SHD: variants seen among roughly 807,000 people sequenced by gnomAD.
SHD encodes the protein Src homology 2 domain containing transforming protein D, also known as SH2 domain-containing adapter protein D.
SHD carries 29 observed loss-of-function variants against 31.2 expected under a neutral mutation model. The ratio of observed to expected loss-of-function variants is 0.93; its 90% CI spans 0.69 to 1.27. SHD has a LOEUF of 1.27. Ranked by LOEUF, SHD falls within the 50% of genes most tolerant of loss-of-function variation. The pLI, the probability that SHD is intolerant of heterozygous loss-of-function variation, is 0.00. For synonymous variants in SHD, 208 were observed against 187.8 expected (o/e 1.11, Z -0.88); for missense variants, 520 against 453.8 (o/e 1.15, Z -1.33).
chr19:4,288,218 T>A, intron 4 of SHD, 25 bp from the exon 5 acceptor site: 1 of 1,608,442 alleles, frequency 6.2e-7, no homozygotes, highest in South Asian at 1.1e-5. Context: ...TGGCCCTTGA[T>A]GAGACATCTG....
chr19:4,287,341 GAAAGAA>G (rs1971331002), intron 4 of SHD, among the ~76,000 whole-genome samples: 1 of 127,982 alleles, frequency 7.8e-6, no homozygotes, highest in Non-Finnish European at 1.7e-5. Flanking sequence ...CAAAAAAAAA[GAAAGAA>G]AAAGAAAAAA....
In SHD at chr19:4,282,973, G is replaced by C. The variant is rs1971271984; in HGVS notation, c.401G>C (p.Ser134Thr). The change falls in exon 2 of 6, where the codon AGT becomes ACT. Residue 134 changes from serine (S) to threonine (T), a missense_variant and splice_region_variant. Transcript: ENST00000543264. ...MEPYDAQWVM[S>T]ELPGRGVQLY... ...CCCTACGATGCCCAATGGGTCATGA[G>C]TGGTGAGTAGGCACGGCTTGGGGGA... 1 of 1,613,998 alleles carries C rather than the reference G, an allele frequency of 6.2e-7. No individual in the cohort carries two copies. The highest frequency in any genetic ancestry group is 1.3e-5 in the African/African-American group (1 of 74,910).
At chr19:4,285,420 G>T (rs1324015806) in intron 4 of SHD, among the ~76,000 whole-genome samples, 1 of 152,122 alleles carries the variant, frequency 6.6e-6, no homozygotes, top group Admixed American at 6.6e-5. Context: ...GCTCCTTGAG[G>T]GAGTGCCCAA....
rs774714514 is a variant in SHD at position 4,290,648 on chromosome 19, C to A, written c.*15C>A. The A allele has an allele frequency of 1.9e-6, 3 of 1,576,454 alleles. No individual in the cohort carries two copies. Among genetic ancestry groups the A allele is most frequent in the South Asian group, 2.3e-5 (2 of 87,408 alleles). ...AGACCCCCTGACAGTGACCCTCGGC[C>A]CCCTTTTGAGTCCTCGGGCCCAGAA... On this transcript the variant is annotated 3_prime_UTR_variant, in exon 6 of 6. Coordinates refer to ENST00000543264, the MANE Select transcript of SHD (RefSeq NM_020209.4).
chr19:4,286,231 T>TTTC (rs1309589434), intron 4 of SHD, among the ~76,000 whole-genome samples: 628 of 49,944 alleles, frequency 0.013, 27 homozygotes, highest in African/African-American at 0.04. Flanking sequence ...TCTTTCTTTC[T>TTTC]TTTCTTTCTT....
intron 1 of SHD, among the ~76,000 whole-genome samples, chr19:4,280,883 C>A (rs539545769): frequency 6.6e-6 from 1 of 152,064 alleles, no homozygotes; most frequent in East Asian, 1.9e-4. Context: ...CTCTGACCAC[C>A]CTGCTTGGTC....
At position 4,290,622 on chromosome 19, in the gene SHD, C is replaced by T. The variant is rs747317472; in HGVS notation, c.1012C>T (p.Gln338Ter). Residue 338 changes from glutamine (Q) to a stop codon, truncating the protein, a stop_gained, in exon 6 of 6, where the codon CAG becomes TAG. Transcript: ENST00000543264. LOFTEE classifies it high-confidence loss of function. Reference sequence around the variant, plus strand: ...GGCTCTGCTGTACCCCGTGGTCACGCAGACCCCCTGACAGTGACCCTCGGC... The same window carrying T: ...GGCTCTGCTGTACCCCGTGGTCACGTAGACCCCCTGACAGTGACCCTCGGC... ...HLALLYPVVT[Q>*]TP The T allele has an allele frequency of 1.2e-5, 20 of 1,608,150 alleles. No individual in the cohort carries two copies. Among genetic ancestry groups the T allele is most frequent in the Non-Finnish European group, 1.4e-5 (17 of 1,176,540 alleles).
intron 4 of SHD, among the ~76,000 whole-genome samples, chr19:4,285,368 G>T (rs539014461): frequency 6.6e-6 from 1 of 152,260 alleles, no homozygotes; most frequent in Non-Finnish European, 1.5e-5. Flanking sequence ...GGGGTGGCAC[G>T]TGAGCCGGGA....
chr19:4,280,130 C>T lies in SHD; in HGVS notation c.67C>T (p.Pro23Ser). ...GRRPPPQPPT[P>S]DYTESDILRA... is the part of the protein sequence containing the mutation. ...GAGGCCCCCTCCGCAGCCGCCCACC[C>T]CGGACTACACCGAGAGCGACATCCT... Residue 23 changes from proline to serine, a missense_variant, in exon 1 of 6, where the codon CCG becomes TCG. Pro to Ser is a moderately conservative substitution (Grantham distance 74, BLOSUM62 -1). Transcript: ENST00000543264. The T allele has an allele frequency of 1.9e-6, 3 of 1,612,480 alleles. No homozygotes were observed. Among genetic ancestry groups the T allele is most frequent in the Non-Finnish European group, 2.5e-6 (3 of 1,179,542 alleles).
chr19:4,285,889 C>CTTTTTT lies in SHD; in HGVS notation c.716+1001_716+1006dup, dbSNP rs56142317. Among the ~76,000 whole-genome samples, 336 of 87,358 alleles carry CTTTTTT rather than the reference C, an allele frequency of 3.8e-3. 33 individuals are homozygous for CTTTTTT. The East Asian group carries it at 0.048, about 12-fold the overall frequency. 57.3% of individuals were successfully genotyped at this position (87,358 alleles called of 152,430 possible). A position where few individuals can be genotyped will look rare whatever the true frequency, so the allele number is the denominator to read the frequency against. On this transcript the variant is annotated intron_variant, in intron 4 of 5. Transcript: ENST00000543264. ...TCTTCTCTTTCTTTTCTTTTCCTTTCTTTTTTTTTTTTTTTTTTTTTGACA... is the reference window on the plus strand; with the variant it reads ...TCTTCTCTTTCTTTTCTTTTCCTTTCTTTTTTTTTTTTTTTTTTTTTTTTTTTGACA...
intron 5 of SHD, among the ~76,000 whole-genome samples, chr19:4,290,107 C>T (rs1246939384): frequency 2.0e-5 from 3 of 149,752 alleles, no homozygotes; most frequent in Non-Finnish European, 3.0e-5. Context: ...AACTCGTAAC[C>T]TCAAGTGATC....
chr19:4,285,978 G>A (rs144791781), intron 4 of SHD, among the ~76,000 whole-genome samples: 2,010 of 124,590 alleles, frequency 0.016, 50 homozygotes, highest in African/African-American at 0.058. Flanking sequence ...TGCAACCTCC[G>A]CCTCCCTGGT....
chr19:4,288,207 A>G (rs1161430262), intron 4 of SHD, 36 bp from the exon 5 acceptor site: 1 of 1,602,342 alleles, frequency 6.2e-7, no homozygotes, highest in African/African-American at 1.3e-5. Flanking sequence ...TTTGAAGGGA[A>G]TGGCCCTTGA....
In SHD at chr19:4,290,558, C is replaced by G. The variant is rs958212203; in HGVS notation, c.948C>G (p.Tyr316Ter). Residue 316 changes from tyrosine to a stop codon, truncating the protein, a stop_gained, in exon 6 of 6, where the codon TAC becomes TAG. Transcript: ENST00000543264. LOFTEE classifies it high-confidence loss of function. ...GCGTGCCCGAGCTCGTCCTCCACTA[C>G]AGTTCACGCCCACTGCCGGTGCAGG... ...FPSVPELVLH[Y>*]SSRPLPVQGA... The G allele has an allele frequency of 6.2e-7, 1 of 1,613,762 alleles. No homozygotes were observed.
chr19:4,289,770 AC>A (rs1172546724), intron 5 of SHD, among the ~76,000 whole-genome samples: 1 of 146,622 alleles, frequency 6.8e-6, no homozygotes, highest in Non-Finnish European at 1.5e-5. Context: ...ACGGGGTTTC[AC>A]CGTGTTAGCC....
chr19:4,289,556 ATTATTAT>A (rs889862708), intron 5 of SHD, among the ~76,000 whole-genome samples: 2 of 147,534 alleles, frequency 1.4e-5, no homozygotes, highest in African/African-American at 5.0e-5. Flanking sequence ...TCTTATTATT[ATTATTAT>A]TTATTTATTT....
rs1180533950 is a variant in SHD at position 4,290,459 on chromosome 19, C to T, written c.849C>T (p.Gly283=). 1 of 1,611,636 alleles carries T rather than the reference C, an allele frequency of 6.2e-7. No homozygotes were observed. The change falls in exon 6 of 6, where the codon GGC becomes GGT. Residue 283 remains glycine, a synonymous_variant. Transcript: ENST00000543264. ...CCTCATCGCCCAGGAGCAGCCAGGGCTTCCTGCATCTGAAGTTCGCGCGGA... is the reference window on the plus strand; with the variant it reads ...CCTCATCGCCCAGGAGCAGCCAGGGTTTCCTGCATCTGAAGTTCGCGCGGA... ...DCSLSLRSSQ[G]FLHLKFARTR... is the part of the protein sequence containing the mutation.
At chr19:4,286,234 T>C (rs556961078) in intron 4 of SHD, among the ~76,000 whole-genome samples, 28 of 43,104 alleles carry the variant, frequency 6.5e-4, no homozygotes, top group African/African-American at 1.8e-3. Flanking sequence ...TTCTTTCTTT[T>C]CTTTCTTTCT....
chr19:4,284,401 T>C (rs1010275597), intron 3 of SHD: 1 of 165,178 alleles, frequency 6.1e-6, no homozygotes, highest in African/African-American at 2.4e-5. Context: ...GGGAGGGTAT[T>C]TAGAGCTTAG....
Sources: gnomAD v4.1 joint callset for allele counts (sites outside exome capture counted in the v4.1 genomes callset) on GRCh38, gnomAD v4.1.1 for gene constraint, MANE v1.5 for transcripts, NCBI Gene and HGNC (gene_info 2026-07-23, HGNC 2026-07-21) for gene names.